MTMR2: variants seen among roughly 807,000 people sequenced by gnomAD.
MTMR2 encodes the protein phosphatidylinositol-3,5-bisphosphate 3-phosphatase MTMR2.
In MTMR2, 55 loss-of-function variants were observed where a neutral mutation model predicts 86.9. That is an observed-to-expected ratio of 0.63 (90% CI 0.51 to 0.79). The LOEUF (loss-of-function observed/expected upper bound fraction) is 0.79, where lower values mean the gene tolerates loss of function less well. MTMR2 is among the 30% of genes least tolerant of loss of function. The pLI is 0.00. For missense variants in MTMR2, 659 were observed against 772.3 expected (o/e 0.85, Z 1.74); for synonymous variants, 241 against 266.8 (o/e 0.90, Z 0.94).
chr11:95,857,113 C>T (rs2135461184), intron 7 of MTMR2, among the ~76,000 whole-genome samples: 1 of 152,036 alleles, frequency 6.6e-6, no homozygotes, highest in Non-Finnish European at 1.5e-5. Flanking sequence ...TGAAACAAAA[C>T]CACAATAAAT....
intron 9 of MTMR2, among the ~76,000 whole-genome samples, 192 bp downstream of exon 9, chr11:95,849,482 T>C (rs922207924): frequency 6.6e-6 from 1 of 152,182 alleles, no homozygotes; most frequent in African/African-American, 2.4e-5. Context: ...ATTCTCATTT[T>C]TACCAATAAA....
At chr11:95,841,516 T>C (rs1863544257) in intron 12 of MTMR2, 101 bp downstream of exon 12, 1 of 855,888 alleles carries the variant, frequency 1.2e-6, no homozygotes. Flanking sequence ...TTACAAGAAT[T>C]TCCATTTAAT....
intron 1 of MTMR2, among the ~76,000 whole-genome samples, chr11:95,894,979 A>T (rs889516157): frequency 2.0e-5 from 3 of 152,200 alleles, no homozygotes. Flanking sequence ...AGATAATTTC[A>T]TGAAGAAACA....
chr11:95,834,755 CTA>C lies in MTMR2; in HGVS notation c.*533_*534del, dbSNP rs1863179268. 6.2e-6 allele frequency: 1 copy of C among 162,042 alleles called. No individual in the cohort carries two copies. The highest frequency in any genetic ancestry group is 1.4e-5 in the Non-Finnish European group (1 of 73,212). 10.0% of individuals were successfully genotyped at this position (162,042 alleles called of 1,614,324 possible). A position where few individuals can be genotyped will look rare whatever the true frequency, so the allele number is the denominator to read the frequency against. The stretch of plus-strand genomic sequence containing the variant: ...AGTATCTTCAACACTTTGCCTTTTA[CTA>C]TATGAAGAATATGGAAGTTGAAAAG... On this transcript the variant is annotated 3_prime_UTR_variant, in exon 15 of 15. Coordinates refer to ENST00000346299, the MANE Select transcript of MTMR2 (RefSeq NM_016156.6).
intron 9 of MTMR2, among the ~76,000 whole-genome samples, chr11:95,848,319 C>T (rs1410893071): frequency 6.6e-6 from 1 of 152,136 alleles, no homozygotes; most frequent in African/African-American, 2.4e-5. Context: ...TGCTTCTTCA[C>T]CTCCCTGCCT....
intron 2 of MTMR2, among the ~76,000 whole-genome samples, chr11:95,887,118 GTCT>G (rs1278674863): frequency 6.6e-6 from 1 of 152,126 alleles, no homozygotes; most frequent in East Asian, 1.9e-4. Context: ...TACAGATGTT[GTCT>G]TCTTGTTGAA....
At chr11:95,914,681 T>C (rs1027808848) in intron 1 of MTMR2, among the ~76,000 whole-genome samples, 4 of 152,246 alleles carry the variant, frequency 2.6e-5, no homozygotes, top group South Asian at 2.1e-4. Flanking sequence ...TCCAGCAAAA[T>C]AGCAGGTCAA....
intron 2 of MTMR2, among the ~76,000 whole-genome samples, chr11:95,884,233 A>G (rs1329540084): frequency 6.6e-6 from 1 of 152,214 alleles, no homozygotes; most frequent in African/African-American, 2.4e-5. Flanking sequence ...ATCATCATCA[A>G]TTTAAAAAAT....
chr11:95,871,838 G>GAA (rs1864901227), intron 2 of MTMR2, among the ~76,000 whole-genome samples: 1 of 152,134 alleles, frequency 6.6e-6, no homozygotes, highest in Non-Finnish European at 1.5e-5. Context: ...GTATTGCCTA[G>GAA]GTTTTCTTCT....
At chr11:95,835,588 A>C (rs1863233605) in intron 14 of MTMR2, 137 bp from the exon 15 acceptor site, 1 of 853,558 alleles carries the variant, frequency 1.2e-6, no homozygotes, top group South Asian at 1.4e-5. Context: ...AGTGAAATTA[A>C]ATACCGGGAC....
At chr11:95,906,960 C>G (rs1328298588) in intron 1 of MTMR2, among the ~76,000 whole-genome samples, 1 of 152,016 alleles carries the variant, frequency 6.6e-6, no homozygotes, top group Non-Finnish European at 1.5e-5. Flanking sequence ...CCCAGGGGAA[C>G]TAGGGAACCA....
chr11:95,881,118 G>C (rs1256233455), intron 2 of MTMR2, among the ~76,000 whole-genome samples: 1 of 151,376 alleles, frequency 6.6e-6, no homozygotes, highest in Non-Finnish European at 1.5e-5. Context: ...GTGTGAGTTA[G>C]AAATTCAACC....
Position 95,889,594 on chromosome 11 carries a change from C to T in MTMR2, c.81-1333G>A, listed in dbSNP as rs1241082798. 2.0e-5 allele frequency among the ~76,000 whole-genome samples: 3 copies of T among 151,958 alleles called. No homozygotes were observed. The South Asian group carries it at 6.2e-4, about 32-fold the overall frequency. ...TTCTCCTCAAACTCCTGGCCTCAAA[C>T]GATCCTCTCACTCAGCCTCCCAAAG... On this transcript the variant is annotated intron_variant, in intron 1 of 14. Coordinates refer to ENST00000346299, the MANE Select transcript of MTMR2 (RefSeq NM_016156.6).
intron 9 of MTMR2, among the ~76,000 whole-genome samples, chr11:95,848,672 G>A (rs1863895560): frequency 6.6e-6 from 1 of 151,992 alleles, no homozygotes; most frequent in Admixed American, 6.6e-5. Flanking sequence ...GAAAATACTG[G>A]AGCAGTAAAT....
At chr11:95,878,243 A>C (rs551153159) in intron 2 of MTMR2, among the ~76,000 whole-genome samples, 119 of 149,480 alleles carry the variant, frequency 8.0e-4, no homozygotes, top group African/African-American at 2.8e-3. Context: ...GAAAAGGCAA[A>C]AATGTGGACA....
At chr11:95,843,401 T>C (rs1863634343) in intron 11 of MTMR2, among the ~76,000 whole-genome samples, 1 of 152,178 alleles carries the variant, frequency 6.6e-6, no homozygotes, top group Non-Finnish European at 1.5e-5. Flanking sequence ...CTATTCAAAA[T>C]GGAAGTGAGA....
chr11:95,838,110 T>C lies in MTMR2; in HGVS notation c.1577A>G (p.Gln526Arg), dbSNP rs1395611163. ...ATATTTTACCTCTTTTCCTCTCTGT[T>C]GTTCACTATTACAGAGGAATGTTCC... ...LFGTFLCNSE[Q>R]QRGKENLPKR... Residue 526 changes from glutamine to arginine, a missense_variant, in exon 13 of 15, where the codon CAA becomes CGA. By Grantham distance (43) the Gln-to-Arg change is conservative. This residue lies in a region of MTMR2 where 193 missense variants were observed against 191.6 expected (regional missense o/e 1.01). Transcript: ENST00000346299. 3 of 1,600,058 alleles carry C rather than the reference T, an allele frequency of 1.9e-6. No homozygotes were observed. The highest frequency in any genetic ancestry group is 2.6e-6 in the Non-Finnish European group (3 of 1,167,576).
intron 2 of MTMR2, among the ~76,000 whole-genome samples, chr11:95,875,871 A>G (rs1054927504): frequency 9.9e-5 from 15 of 152,036 alleles, no homozygotes; most frequent in Non-Finnish European, 1.8e-4. Context: ...TCCACTCTAG[A>G]CCCTCTTTGC....
intron 7 of MTMR2, among the ~76,000 whole-genome samples, chr11:95,856,723 C>T (rs1445418280): frequency 1.3e-5 from 2 of 151,914 alleles, no homozygotes; most frequent in East Asian, 1.9e-4. Flanking sequence ...AATAATTTAC[C>T]TCTTTTCTTT....
Sources: allele counts gnomAD v4.1 joint callset (sites outside exome capture counted in the v4.1 genomes callset), GRCh38; gene constraint gnomAD v4.1.1; regional missense constraint gnomAD v4.1.1; transcripts MANE v1.5; gene names NCBI Gene and HGNC (gene_info 2026-07-23, HGNC 2026-07-21).